The following DYM variants were observed in gnomAD, a reference collection of about 807,000 sequenced individuals.
DYM encodes the protein dyggve-Melchior-Clausen syndrome protein.
A neutral mutation model predicts 93.1 loss-of-function variants in DYM; 78 were observed. That is an observed-to-expected ratio of 0.84 (90% CI 0.70 to 1.01). The LOEUF is 1.01. DYM is among the 50% of genes least tolerant of loss of function. The pLI is 0.00. For missense variants in DYM, 789 were observed against 845.0 expected (o/e 0.93, Z 0.82); for synonymous variants, 321 against 319.7 (o/e 1.00, Z -0.04).
At chr18:49,292,355 GACACACACACACACACACAC>G (rs57025579) in intron 8 of DYM, among the ~76,000 whole-genome samples, 8 of 84,744 alleles carry the variant, frequency 9.4e-5, no homozygotes, top group South Asian at 4.5e-4. Context: ...CAGACAGACA[GACACACACACACACACACAC>G]ACACACACAC....
At chr18:49,156,610 T>C (rs2144878001) in intron 15 of DYM, among the ~76,000 whole-genome samples, 1 of 151,734 alleles carries the variant, frequency 6.6e-6, no homozygotes, top group Admixed American at 6.6e-5. Flanking sequence ...TGCATGCCTA[T>C]AGTCCCAGCT....
chr18:49,352,380 A>T (rs1191146934), intron 6 of DYM, among the ~76,000 whole-genome samples: 2 of 152,246 alleles, frequency 1.3e-5, no homozygotes, highest in African/African-American at 4.8e-5. Flanking sequence ...CTATCTCAAT[A>T]AAGCTTTATT....
chr18:49,301,656 C>T (rs2060945388), intron 8 of DYM, among the ~76,000 whole-genome samples: 1 of 152,046 alleles, frequency 6.6e-6, no homozygotes, highest in Non-Finnish European at 1.5e-5. Context: ...AAACTATCCC[C>T]AAAGCATTCA....
Position 49,377,287 on chromosome 18 carries a change from C to T in DYM, c.421+1280G>A, listed in dbSNP as rs1017882154. On this transcript the variant is annotated intron_variant, in intron 5 of 17. Transcript: ENST00000675505. ...GTTTTTAAAAATTCTAGGCCGGGCA[C>T]GGTGGCTCATGCCTGTAATCCCAGC... 3.3e-5 allele frequency among the ~76,000 whole-genome samples: 5 copies of T among 152,260 alleles called. No individual in the cohort carries two copies. In the East Asian group the frequency reaches 5.8e-4, roughly 18 times the overall value.
chr18:49,135,261 T>G (rs987379145), intron 15 of DYM, among the ~76,000 whole-genome samples: 1 of 152,138 alleles, frequency 6.6e-6, no homozygotes, highest in African/African-American at 2.4e-5. Flanking sequence ...AAAAAACTAC[T>G]GTCATAGATT....
intron 14 of DYM, among the ~76,000 whole-genome samples, chr18:49,186,485 C>T (rs146381751): frequency 6.6e-6 from 1 of 152,064 alleles, no homozygotes; most frequent in Non-Finnish European, 1.5e-5. Context: ...TATGCCACCC[C>T]CTACGCTTGG....
At chr18:49,448,902 T>G (rs1235837760) in intron 1 of DYM, among the ~76,000 whole-genome samples, 1 of 152,218 alleles carries the variant, frequency 6.6e-6, no homozygotes, top group Non-Finnish European at 1.5e-5. Context: ...GCAATCATAT[T>G]GAGCAGGCCC....
At chr18:49,235,699 C>A (rs1469351167) in intron 13 of DYM, among the ~76,000 whole-genome samples, 1 of 151,156 alleles carries the variant, frequency 6.6e-6, no homozygotes, top group African/African-American at 2.4e-5. Context: ...TCAACACACA[C>A]CAGCAAAACA....
chr18:49,070,511 G>A (rs557083809), intron 17 of DYM, among the ~76,000 whole-genome samples: 220 of 152,282 alleles, frequency 1.4e-3, no homozygotes, highest in Non-Finnish European at 2.9e-3. Flanking sequence ...GGAAACCACT[G>A]CAGCTCAAAG....
intron 2 of DYM, among the ~76,000 whole-genome samples, chr18:49,396,758 C>A (rs948985720): frequency 4.6e-5 from 7 of 151,968 alleles, no homozygotes; most frequent in Non-Finnish European, 1.0e-4. Flanking sequence ...TAAATGAAAT[C>A]CCGTCATTTG....
intron 1 of DYM, among the ~76,000 whole-genome samples, chr18:49,435,259 T>C (rs1212060073): frequency 6.9e-6 from 1 of 145,660 alleles, no homozygotes; most frequent in Non-Finnish European, 1.5e-5. Flanking sequence ...AATGTATATG[T>C]GAACTGAAAA....
chr18:49,136,121 C>T (rs2144255954), intron 15 of DYM, among the ~76,000 whole-genome samples: 1 of 152,310 alleles, frequency 6.6e-6, no homozygotes, highest in African/African-American at 2.4e-5. Context: ...TCCCTGTGGC[C>T]CAGCCACTGC....
chr18:49,376,464 C>T (rs1341179661), intron 5 of DYM, among the ~76,000 whole-genome samples: 1 of 152,200 alleles, frequency 6.6e-6, no homozygotes, highest in Non-Finnish European at 1.5e-5. Flanking sequence ...CTAGAGTCTG[C>T]TCATCTATCT....
intron 15 of DYM, among the ~76,000 whole-genome samples, chr18:49,128,128 A>G (rs571333531): frequency 2.6e-5 from 4 of 152,350 alleles, no homozygotes; most frequent in Admixed American, 2.0e-4. Context: ...CCACATCCGG[A>G]GAAGAGCCAG....
Position 49,200,336 on chromosome 18 carries a change from T to A in DYM, c.1625+9215A>T, listed in dbSNP as rs1024859310. Among the ~76,000 whole-genome samples, 17 of 152,160 alleles carry A rather than the reference T, an allele frequency of 1.1e-4. No individual in the cohort carries two copies. The South Asian group carries it at 3.5e-3, about 32-fold the overall frequency. Reference sequence around the variant, plus strand: ...ATTGTTCCACAGCTATTTTTATACATTATCTGGTTTTTGGACACATACATA... The same window carrying A: ...ATTGTTCCACAGCTATTTTTATACAATATCTGGTTTTTGGACACATACATA... On this transcript the variant is annotated intron_variant, in intron 14 of 17. Coordinates refer to ENST00000675505, the MANE Select transcript of DYM (RefSeq NM_001353214.3).
rs553409242 is a variant in DYM, at chr18:49,422,321, A to G, written c.140+7934T>C. Among the ~76,000 whole-genome samples the G allele has an allele frequency of 2.6e-5, 4 of 152,368 alleles. No individual in the cohort carries two copies. The South Asian group carries it at 8.3e-4, about 32-fold the overall frequency. ...CAGCGGATCTCTCGGCAGAAACTCT[A>G]CAAGCCAGAAGAGAGTGGGGGACAA... is the stretch of plus-strand genomic sequence containing the variant. On this transcript the variant is annotated intron_variant, in intron 2 of 17. Transcript: ENST00000675505.
chr18:49,239,833 T>C (rs2093969691), intron 13 of DYM, among the ~76,000 whole-genome samples: 1 of 152,216 alleles, frequency 6.6e-6, no homozygotes, highest in African/African-American at 2.4e-5. Context: ...TCATTACAAA[T>C]TGTTGTTTTA....
intron 2 of DYM, among the ~76,000 whole-genome samples, chr18:49,421,318 G>A (rs2148344675): frequency 1.3e-5 from 2 of 152,220 alleles, no homozygotes; most frequent in Middle Eastern, 3.4e-3. Flanking sequence ...GAACAATCAG[G>A]CAGCAACATT....
intron 8 of DYM, among the ~76,000 whole-genome samples, chr18:49,313,394 C>T (rs71355381): frequency 3.9e-5 from 5 of 126,984 alleles, no homozygotes; most frequent in Admixed American, 1.9e-4. Flanking sequence ...ACCAGGGGGG[C>T]GGAGGTTCCA....
Sources: allele counts gnomAD v4.1 joint callset (sites outside exome capture counted in the v4.1 genomes callset), GRCh38; gene constraint gnomAD v4.1.1; transcripts MANE v1.5; gene names NCBI Gene and HGNC (gene_info 2026-07-23, HGNC 2026-07-21).